TAB1: variants seen among roughly 807,000 people sequenced by gnomAD.
TAB1 encodes TGF-beta-activated kinase 1 and MAP3K7-binding protein 1.
Under a neutral mutation model 54.5 loss-of-function variants are expected in TAB1, and 30 were observed. The observed-to-expected ratio is 0.55, with a 90% CI of 0.41 to 0.75. The LOEUF (loss-of-function observed/expected upper bound fraction) is 0.75. TAB1 is among the 30% of genes least tolerant of loss of function. TAB1 has a pLI of 0.00. For synonymous variants in TAB1, 289 were observed against 286.9 expected, an observed-to-expected ratio of 1.01 and a Z score of -0.07; for missense variants, 609 against 683.2, an observed-to-expected ratio of 0.89 and a Z score of 1.21.
Position 39,430,712 on chromosome 22 carries a change from C to G in TAB1, c.*490C>G, listed in dbSNP as rs1223236078. On this transcript the variant is annotated 3_prime_UTR_variant, in exon 11 of 11. Coordinates refer to ENST00000216160, the MANE Select transcript of TAB1 (RefSeq NM_006116.3). ...GTGCTCCTGCATCCAGAGTGGAACC[C>G]AGGCTGGTGTCCGCATCTGTCCCTG... The G allele has an allele frequency of 9.7e-7, 1 of 1,028,424 alleles. No homozygotes were observed. Among genetic ancestry groups the G allele is most frequent in the Non-Finnish European group, 1.2e-6 (1 of 853,790 alleles). 63.7% of individuals were successfully genotyped at this position (1,028,424 alleles called of 1,614,324 possible).
In TAB1 at chr22:39,421,952, G is replaced by A; in HGVS notation, c.902G>A (p.Gly301Glu). 6.4e-7 allele frequency: 1 copy of A among 1,566,852 alleles called. No individual in the cohort carries two copies. The highest frequency in any genetic ancestry group is 8.6e-7 in the Non-Finnish European group (1 of 1,159,854). ...TACAAGGCCCTAGAGGCAGCCCATG[G>A]GCCTGGGCAGGCCAACCAGGTGAGT... ...GLYKALEAAHGPGQANQEIAA... is the reference protein window; with the variant it reads ...GLYKALEAAHEPGQANQEIAA... The change falls in exon 8 of 11, where the codon GGG (glycine) becomes GAG (glutamate). Residue 301 changes from glycine to glutamate, a missense_variant. Transcript: ENST00000216160.
At chr22:39,413,456 G>A (rs1211917209) in intron 1 of TAB1, among the ~76,000 whole-genome samples, 1 of 150,230 alleles carries the variant, frequency 6.7e-6, no homozygotes, top group South Asian at 2.1e-4. Flanking sequence ...CACTCTTGTC[G>A]CCCAGGCTAG....
chr22:39,401,637 G>A (rs961878296), intron 1 of TAB1, among the ~76,000 whole-genome samples: 1 of 152,212 alleles, frequency 6.6e-6, no homozygotes, highest in African/African-American at 2.4e-5. Flanking sequence ...TTAGGCAGAA[G>A]GCCAGCTCTA....
intron 8 of TAB1, among the ~76,000 whole-genome samples, chr22:39,423,181 G>A (rs538929165): frequency 1.1e-3 from 169 of 151,990 alleles, no homozygotes; most frequent in African/African-American, 3.9e-3. Flanking sequence ...GTAGAGACAG[G>A]GTCTCACTGT....
At chr22:39,433,535 C>T (rs562941650), downstream of TAB1, 19 of 985,300 alleles carry the variant, frequency 1.9e-5, no homozygotes, top group Admixed American at 1.8e-4. Flanking sequence ...TCAGAAATCC[C>T]GTTGTCCCAG....
rs778045930 is a variant in TAB1, at chr22:39,426,916, C to T, written c.1135C>T (p.Pro379Ser). The T allele has an allele frequency of 1.9e-6, 3 of 1,611,282 alleles. No individual in the cohort carries two copies. In the African/African-American group the frequency reaches 4.0e-5, roughly 21 times the overall value. The part of the protein sequence containing the change: ...LGEMSQPTPS[P>S]APAAGGRVYP... Reference sequence around the variant, plus strand: ...CGAAATGAGCCAGCCCACACCGAGCCCAGCCCCAGGTACGTGTGCTGTGCA... The same window carrying T: ...CGAAATGAGCCAGCCCACACCGAGCTCAGCCCCAGGTACGTGTGCTGTGCA... Residue 379 changes from proline to serine, a missense_variant, in exon 9 of 11, where the codon CCA (proline) becomes TCA (serine). Physicochemically the swap from Pro to Ser is moderately conservative, Grantham distance 74. Transcript: ENST00000216160.
downstream of TAB1, chr22:39,436,898 G>A (rs1927806680): frequency 3.1e-6 from 1 of 323,338 alleles, no homozygotes; most frequent in South Asian, 4.5e-5. Context: ...ATGTTCTCTA[G>A]GTCCCAGCAC....
At position 39,417,709 on chromosome 22, in the gene TAB1, A is replaced by C. The variant is rs781611982; in HGVS notation, c.412-2A>C. On this transcript the variant is annotated splice_acceptor_variant, in intron 4 of 10. Coordinates refer to ENST00000216160, the MANE Select transcript of TAB1 (RefSeq NM_006116.3). LOFTEE classifies it high-confidence loss of function. ...GCCCTGACCCTCTGTTGATGGTTGT[A>C]GGGAGTCCCTCAGCACCAGCTGCCT... 5 of 1,606,524 alleles carry C rather than the reference A, an allele frequency of 3.1e-6. No homozygotes were observed. The highest frequency in any genetic ancestry group is 8.5e-7 in the Non-Finnish European group (1 of 1,176,208).
chr22:39,436,352 A>C (rs969573899), downstream of TAB1: 19 of 680,732 alleles, frequency 2.8e-5, no homozygotes, highest in African/African-American at 3.4e-4. Context: ...CTGACGTGTA[A>C]TATCTCATTT....
At chr22:39,434,349 GCCTA>G (rs2145689744), downstream of TAB1, among the ~76,000 whole-genome samples, 1 of 152,306 alleles carries the variant, frequency 6.6e-6, no homozygotes, top group African/African-American at 2.4e-5. Flanking sequence ...CCTCATCAGA[GCCTA>G]GCTCTTGGGC....
chr22:39,421,853 C>T lies in TAB1; in HGVS notation c.803C>T (p.Ala268Val), dbSNP rs1435003708. ...GCTGCCAAGTCCAAACCAATCATCG[C>T]AGAGCCAGAAATCCATGGGGCACAG... Reference protein sequence around the residue: ...LSAAKSKPIIAEPEIHGAQPL... With the variant: ...LSAAKSKPIIVEPEIHGAQPL... The change falls in exon 8 of 11, where the codon GCA becomes GTA. Residue 268 changes from alanine (A) to valine (V), a missense_variant. By Grantham distance (64) the Ala-to-Val change is moderately conservative. Transcript: ENST00000216160. The T allele has an allele frequency of 2.5e-6, 4 of 1,614,152 alleles. No individual in the cohort carries two copies. Among genetic ancestry groups the T allele is most frequent in the Non-Finnish European group, 2.5e-6 (3 of 1,180,016 alleles).
chr22:39,403,279 G>C (rs1926223726), intron 1 of TAB1, among the ~76,000 whole-genome samples: 1 of 152,238 alleles, frequency 6.6e-6, no homozygotes, highest in African/African-American at 2.4e-5. Context: ...GGTGCTATGA[G>C]GAACAGTCTA....
intron 10 of TAB1, among the ~76,000 whole-genome samples, chr22:39,428,686 C>T (rs1927456605): frequency 6.6e-6 from 1 of 152,206 alleles, no homozygotes; most frequent in African/African-American, 2.4e-5. Flanking sequence ...GAGTACACCC[C>T]ACCCCCTTCA....
chr22:39,421,883 T>A lies in TAB1; in HGVS notation c.833T>A (p.Leu278Gln). 4 of 1,613,946 alleles carry A rather than the reference T, an allele frequency of 2.5e-6. No homozygotes were observed. The highest frequency in any genetic ancestry group is 3.4e-6 in the Non-Finnish European group (4 of 1,179,942). ...CCAGAAATCCATGGGGCACAGCCGC[T>A]GGATGGGGTGACGGGCTTCTTGGTG... ...AEPEIHGAQP[L>Q]DGVTGFLVLM... The change falls in exon 8 of 11, where the codon CTG (leucine) becomes CAG (glutamine). Residue 278 changes from leucine (L) to glutamine (Q), a missense_variant. Physicochemically the swap from Leu to Gln is moderately radical, Grantham distance 113. Coordinates refer to ENST00000216160, the MANE Select transcript of TAB1 (RefSeq NM_006116.3).
intron 6 of TAB1, 45 bp downstream of exon 6, chr22:39,418,890 C>G: frequency 6.7e-7 from 1 of 1,485,852 alleles, no homozygotes; most frequent in Non-Finnish European, 9.4e-7. Context: ...CATGGGCTCA[C>G]CCTTCGCCTG....
chr22:39,425,139 G>A (rs923380966), intron 8 of TAB1, among the ~76,000 whole-genome samples: 2 of 151,964 alleles, frequency 1.3e-5, no homozygotes, highest in Admixed American at 1.3e-4. Context: ...TTGGGAGGCT[G>A]AGGCGGGAAG....
rs1486427340 is a variant in TAB1, at chr22:39,431,306, G to C, written c.*1084G>C. The C allele has an allele frequency of 1.0e-6, 1 of 985,468 alleles. No individual in the cohort carries two copies. The highest frequency in any genetic ancestry group is 1.7e-5 in the African/African-American group (1 of 57,224). 61.0% of individuals were successfully genotyped at this position (985,468 alleles called of 1,614,324 possible). On this transcript the variant is annotated 3_prime_UTR_variant, in exon 11 of 11. Transcript: ENST00000216160. Reference sequence around the variant, plus strand: ...TTCAGTGGGGAGGGGGTGCCACCAGGGCTGTCGGCCAGGATTGCCACTCCT... The same window carrying C: ...TTCAGTGGGGAGGGGGTGCCACCAGCGCTGTCGGCCAGGATTGCCACTCCT...
Position 39,415,623 on chromosome 22 carries a change from C to G in TAB1, c.294C>G (p.Ala98=). The G allele has an allele frequency of 6.2e-7, 1 of 1,612,770 alleles. No homozygotes were observed. The highest frequency in any genetic ancestry group is 8.5e-7 in the Non-Finnish European group (1 of 1,179,918). ...LLLGQLNAEH[A]EADVRRVLLQ... ...TGGGCCAGCTGAATGCCGAGCACGCCGAGGCCGATGTGCGGCGTGTGCTGC... is the reference window on the plus strand; with the variant it reads ...TGGGCCAGCTGAATGCCGAGCACGCGGAGGCCGATGTGCGGCGTGTGCTGC... The change falls in exon 3 of 11, where the codon GCC becomes GCG. Residue 98 remains alanine, a synonymous_variant. Coordinates refer to ENST00000216160, the MANE Select transcript of TAB1 (RefSeq NM_006116.3). This position sits in a 1 kb window ranked among gnomAD's most constrained non-coding sequence, Gnocchi z 4.9.
In TAB1 at chr22:39,411,549, A is replaced by G. The variant is rs144204482; in HGVS notation, c.34-3457A>G. Among the ~76,000 whole-genome samples the G allele has an allele frequency of 4.3e-3, 657 of 152,306 alleles. 1 individual carries two copies. The highest frequency in any genetic ancestry group is 7.3e-3 in the Non-Finnish European group (495 of 68,020). Reference sequence around the variant, plus strand: ...AAGTCACGATGAGCTACCACTACCCACCTCTTAGAATATCTAAATTCAGAA... The same window carrying G: ...AAGTCACGATGAGCTACCACTACCCGCCTCTTAGAATATCTAAATTCAGAA... On this transcript the variant is annotated intron_variant, in intron 1 of 10. Coordinates refer to ENST00000216160, the MANE Select transcript of TAB1 (RefSeq NM_006116.3).
Sources: gnomAD v4.1 joint callset for allele counts (sites outside exome capture counted in the v4.1 genomes callset) on GRCh38, gnomAD v4.1.1 for gene constraint, Gnocchi (gnomAD v3.1) non-coding constraint, MANE v1.5 for transcripts, NCBI Gene and HGNC (gene_info 2026-07-23, HGNC 2026-07-21) for gene names.